The following PRKCH variants were observed in gnomAD, a reference collection of about 807,000 sequenced individuals.
PRKCH encodes protein kinase C eta type.
PRKCH carries 28 observed loss-of-function variants against 82.5 expected under a neutral mutation model. That is an observed-to-expected ratio of 0.34 (90% CI 0.25 to 0.47). The LOEUF (loss-of-function observed/expected upper bound fraction) is 0.47. Ranked by LOEUF, PRKCH falls within the 20% of genes least tolerant of loss-of-function variation. The probability of loss-of-function intolerance (pLI) is 1.00; values close to 1 mark genes in which losing one functional copy is unlikely to be tolerated. For synonymous variants in PRKCH, 322 were observed against 327.4 expected (o/e 0.98, Z 0.18); for missense variants, 705 against 881.8 (o/e 0.80, Z 2.54).
At chr14:61,497,280 C>T (rs1886711480) in intron 10 of PRKCH, among the ~76,000 whole-genome samples, 1 of 152,112 alleles carries the variant, frequency 6.6e-6, no homozygotes, top group Admixed American at 6.6e-5. Flanking sequence ...CCTCTCTAAG[C>T]CTCAGTTTCT....
intron 10 of PRKCH, among the ~76,000 whole-genome samples, chr14:61,504,138 C>T (rs1887035876): frequency 6.6e-6 from 1 of 152,118 alleles, no homozygotes. Context: ...TCCCAGTTTG[C>T]TCCCATAATC....
At chr14:61,440,916 AT>A (rs1018181541) in intron 2 of PRKCH, among the ~76,000 whole-genome samples, 1 of 75,254 alleles carries the variant, frequency 1.3e-5, no homozygotes, top group African/African-American at 2.9e-5. Context: ...AAATAACTAC[AT>A]TTTTTTTCTT....
At chr14:61,495,114 G>A (rs533781991) in intron 10 of PRKCH, among the ~76,000 whole-genome samples, 2 of 152,190 alleles carry the variant, frequency 1.3e-5, no homozygotes, top group Non-Finnish European at 2.9e-5. Flanking sequence ...TAATTTGAGA[G>A]GAGATTCAAG....
chr14:61,364,558 G>C lies in PRKCH; in HGVS notation c.364-26667G>C, dbSNP rs74472313. On this transcript the variant is annotated intron_variant, in intron 1 of 13. Coordinates refer to ENST00000332981, the MANE Select transcript of PRKCH (RefSeq NM_006255.5). The stretch of plus-strand genomic sequence containing the variant: ...TGCTTTTAAGAATAGGAATGGCCAG[G>C]TGTGGTGGTTCACACCTGTAATCCT... Among the ~76,000 whole-genome samples the C allele has an allele frequency of 3.6e-3, 544 of 152,116 alleles. 16 individuals are homozygous for C. Among genetic ancestry groups the C allele is most frequent in the African/African-American group, 0.012 (516 of 41,396 alleles).
chr14:61,268,495 G>A (rs577908668), intron 1 of PRKCH, among the ~76,000 whole-genome samples: 3 of 152,032 alleles, frequency 2.0e-5, no homozygotes, highest in Non-Finnish European at 2.9e-5. Context: ...GTAAAACCCC[G>A]GCTCTACTAA....
intron 10 of PRKCH, among the ~76,000 whole-genome samples, chr14:61,511,337 C>A (rs1887366454): frequency 6.6e-6 from 1 of 152,126 alleles, no homozygotes; most frequent in Non-Finnish European, 1.5e-5. Flanking sequence ...CTCTAGAAGG[C>A]CCACTGCAGA....
chr14:61,460,034 A>G (rs1369988260), intron 9 of PRKCH, among the ~76,000 whole-genome samples: 46 of 152,080 alleles, frequency 3.0e-4, no homozygotes, highest in Non-Finnish European at 1.5e-5. Context: ...TTTTGTAGAG[A>G]TGGGGTTTTG....
intron 1 of PRKCH, among the ~76,000 whole-genome samples, chr14:61,221,345 T>C (rs559506414): frequency 3.3e-5 from 5 of 152,332 alleles, no homozygotes; most frequent in African/African-American, 7.2e-5. Context: ...GACAAAATCA[T>C]TGGAATTGTG....
At chr14:61,378,833 G>A (rs2046460099) in intron 1 of PRKCH, among the ~76,000 whole-genome samples, 2 of 152,036 alleles carry the variant, frequency 1.3e-5, no homozygotes, top group African/African-American at 2.4e-5. Context: ...TCTCCTATCT[G>A]CCCTCTCCTC....
rs145575813 is a variant in PRKCH at position 61,201,066 on chromosome 14, CAA to C, written c.-19+13399_-19+13400del. 1.5e-3 allele frequency among the ~76,000 whole-genome samples: 234 copies of C among 152,134 alleles called. 1 individual carries two copies. The highest frequency in any genetic ancestry group is 5.1e-3 in the African/African-American group (213 of 41,530). On this transcript the variant is annotated intron_variant, in intron 1 of 3. Coordinates refer to the PRKCH transcript ENST00000555185. ...GGATTATTTTGAACTGATGAAGTGT[CAA>C]GAGAGAGAATCCGTTTAACTGTGGT...
intron 10 of PRKCH, among the ~76,000 whole-genome samples, chr14:61,499,888 TA>T (rs5809100): frequency 4.7e-5 from 7 of 147,656 alleles, no homozygotes; most frequent in African/African-American, 1.0e-4. Context: ...GGGGTAGACT[TA>T]AAAAAAAAAA....
At chr14:61,326,174 C>A (rs919904225) in intron 1 of PRKCH, among the ~76,000 whole-genome samples, 4 of 152,204 alleles carry the variant, frequency 2.6e-5, no homozygotes, top group Middle Eastern at 3.4e-3. Flanking sequence ...TTTGTAATAA[C>A]CCCCAAAGTG....
intron 1 of PRKCH, among the ~76,000 whole-genome samples, chr14:61,351,556 C>T (rs1035377564): frequency 6.6e-6 from 1 of 152,110 alleles, no homozygotes; most frequent in African/African-American, 2.4e-5. Context: ...CGAAAGCACG[C>T]CTGCTTGTTA....
chr14:61,326,493 T>G (rs1184675888), intron 1 of PRKCH, among the ~76,000 whole-genome samples: 1 of 152,214 alleles, frequency 6.6e-6, no homozygotes, highest in Non-Finnish European at 1.5e-5. Flanking sequence ...ATATTTGTGT[T>G]ATTCTGATTG....
rs139671726 is a variant in PRKCH, at chr14:61,212,777, A to G, written c.-19+25109A>G. Among the ~76,000 whole-genome samples the G allele has an allele frequency of 7.5e-3, 1,142 of 152,308 alleles. 12 individuals are homozygous for G. The highest frequency in any genetic ancestry group is 0.026 in the African/African-American group (1,083 of 41,576). ...TCCTGTCCTTGGATCTTACCAGTCT[A>G]TTGGTGGGAACAGGCTTTTAAACAG... On this transcript the variant is annotated intron_variant, in intron 1 of 3. Coordinates refer to the PRKCH transcript ENST00000555185.
At chr14:61,196,343 G>A (rs1468405672) in intron 1 of PRKCH, among the ~76,000 whole-genome samples, 1 of 152,194 alleles carries the variant, frequency 6.6e-6, no homozygotes, top group Non-Finnish European at 1.5e-5. Flanking sequence ...AAGAGACAAT[G>A]GATTGATAAT....
At chr14:61,270,886 A>G (rs1276714469) in intron 1 of PRKCH, among the ~76,000 whole-genome samples, 1 of 152,194 alleles carries the variant, frequency 6.6e-6, no homozygotes, top group Middle Eastern at 3.2e-3. Context: ...AGGTGGGAGG[A>G]TCACTTGGGC....
At chr14:61,403,479 G>A (rs1547148) in intron 2 of PRKCH, among the ~76,000 whole-genome samples, 103,675 of 152,156 alleles carry the variant, frequency 0.68, 35,601 homozygotes, top group East Asian at 0.8. Context: ...CTGCTGTGCA[G>A]TGTACTTTTT....
At chr14:61,315,667 T>C (rs2045556418) in intron 1 of PRKCH, among the ~76,000 whole-genome samples, 1 of 152,202 alleles carries the variant, frequency 6.6e-6, no homozygotes, top group Non-Finnish European at 1.5e-5. Flanking sequence ...TGTTGCATTG[T>C]TTTCTTTATC....
Sources: gnomAD v4.1 joint callset for allele counts (sites outside exome capture counted in the v4.1 genomes callset) on GRCh38, gnomAD v4.1.1 for gene constraint, MANE v1.5 for transcripts, NCBI Gene and HGNC (gene_info 2026-07-23, HGNC 2026-07-21) for gene names.